The following GNG2 variants were observed in gnomAD, a reference collection of about 807,000 sequenced individuals.
GNG2 encodes the protein G protein subunit gamma 2.
Under a neutral mutation model 5.5 loss-of-function variants are expected in GNG2, and 5 were observed. That is an observed-to-expected ratio of 0.91 (90% CI 0.48 to 1.92). The LOEUF is 1.92. Among genes scored for constraint, GNG2 ranks in the 30% most tolerant of loss-of-function variants. The pLI is 0.01. For missense variants in GNG2, 55 were observed against 88.4 expected (o/e 0.62, Z 1.52); for synonymous variants, 28 against 32.0 (o/e 0.88, Z 0.42).
intron 3 of GNG2, among the ~76,000 whole-genome samples, chr14:51,960,174 AT>A (rs35702479): frequency 1.8e-4 from 26 of 146,154 alleles, no homozygotes; most frequent in African/African-American, 4.0e-4. Flanking sequence ...TGTTTTGTTC[AT>A]TTTTTTTTTC....
intron 2 of GNG2, among the ~76,000 whole-genome samples, chr14:51,898,305 C>A (rs891596196): frequency 1.1e-4 from 16 of 152,154 alleles, no homozygotes; most frequent in African/African-American, 3.4e-4. Context: ...CTTGCAAGAA[C>A]AATTTTAAGG....
chr14:51,830,757 GCCT>G (rs1881163852), intron 2 of GNG2, among the ~76,000 whole-genome samples: 2 of 152,098 alleles, frequency 1.3e-5, no homozygotes. Context: ...TTCTTAATAA[GCCT>G]CCTTGCTTTC....
rs79664241 is a variant in GNG2, at chr14:51,954,841, A to G, written c.87+4076A>G. Among the ~76,000 whole-genome samples the G allele has an allele frequency of 1.9e-3, 290 of 152,286 alleles. 1 individual carries two copies. The highest frequency in any genetic ancestry group is 6.6e-3 in the African/African-American group (275 of 41,554). On this transcript the variant is annotated intron_variant, in intron 3 of 3. Transcript: ENST00000556766. ...CATGAAAAAAGAGATGGCTTGATTC[A>G]ATCCTTTTCAGTCTCCATAGCACGT...
chr14:51,865,669 G>A (rs978586887), intron 1 of GNG2, among the ~76,000 whole-genome samples: 1 of 151,834 alleles, frequency 6.6e-6, no homozygotes, highest in South Asian at 2.1e-4. Context: ...GTCTTTATAT[G>A]TTGTCACATT....
At chr14:51,866,732 A>G (rs146424565) in intron 1 of GNG2, among the ~76,000 whole-genome samples, 284 of 152,330 alleles carry the variant, frequency 1.9e-3, no homozygotes, top group African/African-American at 6.5e-3. Context: ...CACTAATCCC[A>G]TTCATGGGAC....
intron 2 of GNG2, among the ~76,000 whole-genome samples, chr14:51,887,218 T>G (rs982091198): frequency 1.3e-5 from 2 of 152,136 alleles, no homozygotes; most frequent in African/African-American, 4.8e-5. Context: ...CGGTTCAAGT[T>G]TGCTACAAAA....
At chr14:51,923,530 TATATACAC>T (rs1350446722) in intron 2 of GNG2, among the ~76,000 whole-genome samples, 3 of 141,960 alleles carry the variant, frequency 2.1e-5, no homozygotes, top group Non-Finnish European at 4.6e-5. Context: ...TATGTGTATA[TATATACAC>T]ATATACACAT....
chr14:51,916,446 G>A (rs763532533), intron 2 of GNG2: 8 of 452,938 alleles, frequency 1.8e-5, no homozygotes, highest in South Asian at 6.3e-5. Context: ...TTCATATTTC[G>A]GTCTCTAGGA....
At chr14:51,955,945 A>G (rs949159579) in intron 3 of GNG2, among the ~76,000 whole-genome samples, 1 of 152,164 alleles carries the variant, frequency 6.6e-6, no homozygotes, top group Non-Finnish European at 1.5e-5. Flanking sequence ...ACTTCATGGA[A>G]CCCTGTAGTG....
chr14:51,956,692 T>C (rs1205906594), intron 3 of GNG2, among the ~76,000 whole-genome samples: 1 of 152,204 alleles, frequency 6.6e-6, no homozygotes, highest in Non-Finnish European at 1.5e-5. Flanking sequence ...AAAGCCATGA[T>C]TTTATGACTG....
intron 2 of GNG2, among the ~76,000 whole-genome samples, chr14:51,947,653 A>G (rs1888717127): frequency 6.6e-6 from 1 of 152,230 alleles, no homozygotes; most frequent in African/African-American, 2.4e-5. Context: ...AATGCTCTCC[A>G]GAATTATAAG....
chr14:51,947,402 A>C (rs1462795025), intron 2 of GNG2, among the ~76,000 whole-genome samples: 1 of 152,182 alleles, frequency 6.6e-6, no homozygotes, highest in Non-Finnish European at 1.5e-5. Context: ...TAAAAGTGGA[A>C]GGGGTGGGCA....
At chr14:51,836,222 G>A (rs931013598) in intron 2 of GNG2, among the ~76,000 whole-genome samples, 2 of 151,808 alleles carry the variant, frequency 1.3e-5, no homozygotes, top group African/African-American at 2.4e-5. Flanking sequence ...TGATTATCTC[G>A]CAAAGACCTC....
intron 1 of GNG2, chr14:51,861,375 C>G (rs937744864): frequency 1.3e-5 from 2 of 152,190 alleles, no homozygotes; most frequent in Non-Finnish European, 2.9e-5. Flanking sequence ...ACCTCAGACA[C>G]AGCTATCATT....
intron 2 of GNG2, among the ~76,000 whole-genome samples, chr14:51,886,388 C>T (rs1884462075): frequency 6.6e-6 from 1 of 152,122 alleles, no homozygotes; most frequent in Non-Finnish European, 1.5e-5. Flanking sequence ...TTTGCCTGGG[C>T]TTGTTATTAA....
chr14:51,841,130 T>C (rs1184650022), intron 2 of GNG2, among the ~76,000 whole-genome samples: 1 of 152,128 alleles, frequency 6.6e-6, no homozygotes. Context: ...GGTCCATAAC[T>C]GGCAGGCAAA....
chr14:51,830,275 C>T (rs1340134351), intron 2 of GNG2, among the ~76,000 whole-genome samples: 1 of 152,180 alleles, frequency 6.6e-6, no homozygotes, highest in Admixed American at 6.5e-5. Flanking sequence ...TTTCAAAATA[C>T]TGGAGTGCCT....
chr14:51,960,501 A>G (rs953031235), intron 3 of GNG2, among the ~76,000 whole-genome samples: 3 of 149,268 alleles, frequency 2.0e-5, no homozygotes, highest in African/African-American at 7.7e-5. Context: ...TCATGTCTAC[A>G]TATTTGATTT....
At chr14:51,842,215 T>C (rs936064543) in intron 2 of GNG2, among the ~76,000 whole-genome samples, 9 of 152,208 alleles carry the variant, frequency 5.9e-5, no homozygotes, top group African/African-American at 9.6e-5. Flanking sequence ...AGTCTAGACA[T>C]AGGGATTCAT....
Sources: allele counts gnomAD v4.1 joint callset (sites outside exome capture counted in the v4.1 genomes callset), GRCh38; gene constraint gnomAD v4.1.1; transcripts MANE v1.5; gene names NCBI Gene and HGNC (gene_info 2026-07-23, HGNC 2026-07-21).